The following PLCB4 variants were observed in gnomAD, a reference collection of about 807,000 sequenced individuals.
The protein encoded by PLCB4 is 1-phosphatidylinositol 4,5-bisphosphate phosphodiesterase beta-4.
In PLCB4, 77 loss-of-function variants were observed where a neutral mutation model predicts 178.8. The ratio of observed to expected loss-of-function variants is 0.43; its 90% CI spans 0.36 to 0.52. PLCB4 has a LOEUF of 0.52. Among genes scored for constraint, PLCB4 ranks in the 20% least tolerant of loss-of-function variants. The probability of loss-of-function intolerance (pLI) is 0.00; values close to 1 mark genes in which losing one functional copy is unlikely to be tolerated. For synonymous variants in PLCB4, 496 were observed against 490.8 expected (o/e 1.01, Z -0.14); for missense variants, 1,024 against 1,453.4 (o/e 0.70, Z 4.80).
intron 7 of PLCB4, among the ~76,000 whole-genome samples, chr20:9,358,859 A>G (rs1163047123): frequency 6.6e-6 from 1 of 152,176 alleles, no homozygotes; most frequent in African/African-American, 2.4e-5. Flanking sequence ...AGATCCCACC[A>G]CTGCACTCCA....
intron 9 of PLCB4, 107 bp downstream of exon 9, chr20:9,365,621 T>C (rs147538828): frequency 3.4e-6 from 2 of 586,964 alleles, no homozygotes; most frequent in East Asian, 2.9e-5. Flanking sequence ...GCTTTAAAGA[T>C]ATTTCTGGAA....
At chr20:9,344,994 A>G (rs2033646911) in intron 7 of PLCB4, among the ~76,000 whole-genome samples, 1 of 152,204 alleles carries the variant, frequency 6.6e-6, no homozygotes, top group Non-Finnish European at 1.5e-5. Context: ...AGCTTAAAAC[A>G]GTTAAGAATA....
At chr20:9,331,916 G>C (rs1303913801) in intron 4 of PLCB4, among the ~76,000 whole-genome samples, 31 of 152,174 alleles carry the variant, frequency 2.0e-4, no homozygotes, top group Admixed American at 2.0e-3. Context: ...CTCTCAAACA[G>C]AATGCCCTCT....
intron 3 of PLCB4, among the ~76,000 whole-genome samples, chr20:9,277,978 A>G (rs528471273): frequency 1.2e-4 from 18 of 152,052 alleles, no homozygotes; most frequent in Non-Finnish European, 2.5e-4. Flanking sequence ...TGCAGCCACA[A>G]CAACATTGCC....
chr20:9,182,915 C>T (rs878898893), intron 2 of PLCB4, among the ~76,000 whole-genome samples: 1 of 152,108 alleles, frequency 6.6e-6, no homozygotes, highest in Admixed American at 6.5e-5. Flanking sequence ...TGCTCATTTT[C>T]ATCATATTTA....
At chr20:9,284,744 T>C (rs1194482220) in intron 3 of PLCB4, among the ~76,000 whole-genome samples, 1 of 151,942 alleles carries the variant, frequency 6.6e-6, no homozygotes. Context: ...CAGAGATAAA[T>C]AGACTATATA....
At chr20:9,169,955 A>T (rs2093036825) in intron 2 of PLCB4, among the ~76,000 whole-genome samples, 1 of 152,152 alleles carries the variant, frequency 6.6e-6, no homozygotes, top group Non-Finnish European at 1.5e-5. Flanking sequence ...CATGCTTATT[A>T]TTAACTGGAG....
chr20:9,366,472 T>C (rs2035796702), intron 9 of PLCB4, among the ~76,000 whole-genome samples: 1 of 150,294 alleles, frequency 6.7e-6, no homozygotes, highest in African/African-American at 2.4e-5. Flanking sequence ...ATCCTCCACA[T>C]GTGTTCTTTA....
chr20:9,391,866 G>A (rs1402003349), intron 17 of PLCB4, among the ~76,000 whole-genome samples: 1 of 152,136 alleles, frequency 6.6e-6, no homozygotes, highest in Admixed American at 6.5e-5. Context: ...GCCTTCCAGG[G>A]TTTCCCAGCA....
intron 2 of PLCB4, among the ~76,000 whole-genome samples, chr20:9,138,789 G>A (rs547718853): frequency 6.6e-6 from 1 of 152,202 alleles, no homozygotes; most frequent in African/African-American, 2.4e-5. Context: ...TAAGGGGTCA[G>A]CAGTCTTGAT....
chr20:9,306,216 C>T (rs1652754129), intron 3 of PLCB4, among the ~76,000 whole-genome samples: 1 of 152,182 alleles, frequency 6.6e-6, no homozygotes, highest in Admixed American at 6.5e-5. Context: ...GCAATTCTCC[C>T]TGCCTTAGCC....
At chr20:9,167,642 G>A (rs976121734) in intron 2 of PLCB4, among the ~76,000 whole-genome samples, 1 of 152,238 alleles carries the variant, frequency 6.6e-6, no homozygotes, top group South Asian at 2.1e-4. Context: ...AAGTTGGTTT[G>A]TGTATTTGGT....
At chr20:9,465,019 T>C (rs1214986295) in intron 35 of PLCB4, among the ~76,000 whole-genome samples, 1 of 152,188 alleles carries the variant, frequency 6.6e-6, no homozygotes, top group Non-Finnish European at 1.5e-5. Context: ...TGAACATCCA[T>C]GCAAAAATCC....
chr20:9,334,901 G>C (rs765004226), intron 4 of PLCB4, among the ~76,000 whole-genome samples: 3 of 152,180 alleles, frequency 2.0e-5, no homozygotes, highest in African/African-American at 2.4e-5. Context: ...GGGTACTCAG[G>C]GGGGAAGGAA....
At chr20:9,408,966 G>C in intron 23 of PLCB4, 91 bp from the exon 24 acceptor site, 1 of 1,148,330 alleles carries the variant, frequency 8.7e-7, no homozygotes, top group Non-Finnish European at 1.3e-6. Context: ...GTTTGTCATT[G>C]TTGGCCTAGA....
chr20:9,203,079 A>T (rs958179101), intron 2 of PLCB4, among the ~76,000 whole-genome samples: 1 of 144,852 alleles, frequency 6.9e-6, no homozygotes, highest in Non-Finnish European at 1.5e-5. Context: ...ATATATATAT[A>T]TGACAAATAT....
intron 3 of PLCB4, among the ~76,000 whole-genome samples, chr20:9,306,420 G>A (rs1206622849): frequency 1.3e-5 from 2 of 151,992 alleles, no homozygotes; most frequent in Non-Finnish European, 2.9e-5. Context: ...CCGGCGTGGT[G>A]TTGCATTTTT....
rs117096247 is a variant in PLCB4 at position 9,445,588 on chromosome 20, A to G, written c.2880+1345A>G. Among the ~76,000 whole-genome samples, 3 of 152,338 alleles carry G rather than the reference A, an allele frequency of 2.0e-5. No homozygotes were observed. The East Asian group carries it at 5.8e-4, about 29-fold the overall frequency. ...TAGAAGTTAGGCCTAATCTTATCCT[A>G]GTAATGTTCCCTGTATTACAGAACT... is the stretch of plus-strand genomic sequence containing the variant. On this transcript the variant is annotated intron_variant, in intron 32 of 39. Transcript: ENST00000378473.
chr20:9,461,071 C>T (rs2043360539), intron 35 of PLCB4, among the ~76,000 whole-genome samples: 1 of 152,134 alleles, frequency 6.6e-6, no homozygotes, highest in African/African-American at 2.4e-5. Flanking sequence ...TTTTAGGTGC[C>T]TACCCTTATT....
Sources: allele counts gnomAD v4.1 joint callset (sites outside exome capture counted in the v4.1 genomes callset), GRCh38; gene constraint gnomAD v4.1.1; transcripts MANE v1.5; gene names NCBI Gene and HGNC (gene_info 2026-07-23, HGNC 2026-07-21).